RARB: variants seen among roughly 807,000 people sequenced by gnomAD.
RARB encodes the protein retinoic acid receptor beta, also known as HBV-activated protein.
In RARB, 17 loss-of-function variants were observed where a neutral mutation model predicts 51.9. That is an observed-to-expected ratio of 0.33 (90% confidence interval 0.22 to 0.49). RARB has a LOEUF of 0.49. Among genes scored for constraint, RARB ranks in the 20% least tolerant of loss-of-function variants. RARB has a pLI of 0.99. For missense variants in RARB, 369 were observed against 550.8 expected (o/e 0.67, Z 3.30); for synonymous variants, 215 against 195.4 (o/e 1.10, Z -0.84).
intron 1 of RARB, among the ~76,000 whole-genome samples, chr3:25,453,042 A>G (rs2125544180): frequency 6.6e-6 from 1 of 152,306 alleles, no homozygotes; most frequent in East Asian, 1.9e-4. Context: ...AGTATTTAGT[A>G]AGGACCTGTG....
chr3:25,122,357 A>T (rs978169018), intron 3 of RARB, among the ~76,000 whole-genome samples: 1 of 151,932 alleles, frequency 6.6e-6, no homozygotes, highest in Non-Finnish European at 1.5e-5. Context: ...CTAGATCATC[A>T]GGACATACTA....
At chr3:25,210,092 A>C (rs375888204) in intron 5 of RARB, among the ~76,000 whole-genome samples, 1 of 152,184 alleles carries the variant, frequency 6.6e-6, no homozygotes, top group African/African-American at 2.4e-5. Context: ...ATGAGGTTTC[A>C]GAATAGGCTC....
At chr3:25,512,834 G>C (rs1403634650) in intron 3 of RARB, among the ~76,000 whole-genome samples, 1 of 152,100 alleles carries the variant, frequency 6.6e-6, no homozygotes, top group East Asian at 1.9e-4. Flanking sequence ...TTTGGTGTCT[G>C]TGTGTGTGTA....
In RARB at chr3:25,387,767, G is replaced by A. The variant is rs545560574; in HGVS notation, c.179-73426G>A. Among the ~76,000 whole-genome samples the A allele has an allele frequency of 1.1e-4, 16 of 151,918 alleles. 1 individual carries two copies. The highest frequency in any genetic ancestry group is 2.4e-4 in the African/African-American group (10 of 41,412). On this transcript the variant is annotated intron_variant, in intron 5 of 11. Coordinates refer to the RARB transcript ENST00000383772. ...ATGTCTTTGTTCGACCCTAAATGGC[G>A]TTCCCACCCTCCTGACAAAGCAGCT...
At chr3:25,205,020 G>T (rs1453993455) in intron 5 of RARB, among the ~76,000 whole-genome samples, 2 of 152,200 alleles carry the variant, frequency 1.3e-5, no homozygotes, top group African/African-American at 4.8e-5. Flanking sequence ...CTTGCCCCCA[G>T]AGGTGGAGTC....
intron 2 of RARB, among the ~76,000 whole-genome samples, chr3:25,041,651 C>T (rs1465240902): frequency 1.3e-5 from 2 of 152,042 alleles, no homozygotes; most frequent in African/African-American, 2.4e-5. Context: ...CTCTTATCCT[C>T]AACTCTAAAT....
chr3:25,354,109 C>A (rs897912688), intron 5 of RARB, among the ~76,000 whole-genome samples: 3 of 125,012 alleles, frequency 2.4e-5, no homozygotes, highest in African/African-American at 9.2e-5. Flanking sequence ...AATGTGATTT[C>A]TTAAGACTAA....
chr3:25,346,999 A>G (rs1388363518), intron 5 of RARB, among the ~76,000 whole-genome samples: 1 of 152,212 alleles, frequency 6.6e-6, no homozygotes, highest in Non-Finnish European at 1.5e-5. Flanking sequence ...TGTTGTGAAG[A>G]GAAAGCATTG....
chr3:24,876,233 A>C (rs529703757), intron 2 of RARB, among the ~76,000 whole-genome samples: 1 of 152,274 alleles, frequency 6.6e-6, no homozygotes, highest in South Asian at 2.1e-4. Flanking sequence ...AGAAACTTTG[A>C]GACTATGTAA....
chr3:24,904,174 CA>C (rs1292296997), intron 2 of RARB, among the ~76,000 whole-genome samples: 2 of 152,120 alleles, frequency 1.3e-5, no homozygotes, highest in African/African-American at 4.8e-5. Flanking sequence ...CTTTAACTTC[CA>C]ACTGTCTTAT....
chr3:25,304,819 C>T (rs1255117758), intron 5 of RARB, among the ~76,000 whole-genome samples: 1 of 152,178 alleles, frequency 6.6e-6, no homozygotes. Flanking sequence ...CTCTAATGGC[C>T]TCCATCTCCT....
At chr3:24,882,683 G>T (rs1703190923) in intron 2 of RARB, among the ~76,000 whole-genome samples, 1 of 152,128 alleles carries the variant, frequency 6.6e-6, no homozygotes, top group Admixed American at 6.5e-5. Flanking sequence ...TAGTTTAACT[G>T]CCCCAACATC....
intron 5 of RARB, among the ~76,000 whole-genome samples, chr3:25,204,047 C>G (rs1701464704): frequency 6.6e-6 from 1 of 152,144 alleles, no homozygotes; most frequent in Admixed American, 6.5e-5. Flanking sequence ...TCCATTCTCC[C>G]CATCACTTTC....
chr3:25,511,408 A>G (rs1697889351), intron 3 of RARB, among the ~76,000 whole-genome samples: 2 of 152,144 alleles, frequency 1.3e-5, no homozygotes, highest in East Asian at 1.9e-4. Context: ...TGGGATTACA[A>G]GTGTGAGCCA....
intron 1 of RARB, among the ~76,000 whole-genome samples, chr3:25,442,356 G>A (rs1478512104): frequency 2.0e-5 from 3 of 151,970 alleles, no homozygotes; most frequent in Admixed American, 1.3e-4. Context: ...GGCTGGTCTC[G>A]AACTCCTGAC....
At chr3:25,501,448 A>G (rs931291738) in intron 3 of RARB, 125 bp downstream of exon 3, 9 of 1,175,256 alleles carry the variant, frequency 7.7e-6, no homozygotes, top group Non-Finnish European at 9.3e-6. Flanking sequence ...GTGTGAATAG[A>G]GATGACATGA....
intron 3 of RARB, among the ~76,000 whole-genome samples, chr3:25,556,501 T>C (rs1700065951): frequency 6.6e-6 from 1 of 152,214 alleles, no homozygotes; most frequent in South Asian, 2.1e-4. Context: ...TTACCAACAC[T>C]AATCTTTTGA....
intron 2 of RARB, among the ~76,000 whole-genome samples, chr3:24,930,532 A>C (rs547534128): frequency 6.6e-6 from 1 of 152,150 alleles, no homozygotes; most frequent in South Asian, 2.1e-4. Context: ...GTGCTTCCTT[A>C]CCTCTCCTTC....
intron 5 of RARB, among the ~76,000 whole-genome samples, chr3:25,381,025 G>T (rs1252484933): frequency 1.3e-5 from 2 of 151,410 alleles, no homozygotes; most frequent in Non-Finnish European, 2.9e-5. Context: ...CCTGTTTATT[G>T]TTTCTCTTCC....
Sources: gnomAD v4.1 joint callset for allele counts (sites outside exome capture counted in the v4.1 genomes callset) on GRCh38, gnomAD v4.1.1 for gene constraint, MANE v1.5 for transcripts, NCBI Gene and HGNC (gene_info 2026-07-23, HGNC 2026-07-21) for gene names.